Variants in FRAS1 observed in about 807,000 individuals in gnomAD.
FRAS1 encodes Fraser extracellular matrix complex subunit 1, also known as extracellular matrix organizing protein FRAS1.
FRAS1 carries 290 observed loss-of-function variants against 435.2 expected under a neutral mutation model. The ratio of observed to expected loss-of-function variants is 0.67; its 90% CI spans 0.61 to 0.73. FRAS1 has a LOEUF of 0.73. FRAS1 is among the 30% of genes least tolerant of loss of function. The probability of loss-of-function intolerance (pLI) is 0.00; values close to 1 mark genes in which losing one functional copy is unlikely to be tolerated. For missense variants in FRAS1, 4,860 were observed against 5,001.5 expected, an observed-to-expected ratio of 0.97 and a Z score of 0.85; for synonymous variants, 1,800 against 1,851.0, an observed-to-expected ratio of 0.97 and a Z score of 0.71.
At chr4:78,445,500 T>A in intron 41 of FRAS1, 22 bp from the exon 42 acceptor site, 1 of 1,511,200 alleles carries the variant, frequency 6.6e-7, no homozygotes, top group South Asian at 1.4e-5. Context: ...AAGGTAAAAA[T>A]GCTCTCTTGA....
At chr4:78,155,199 G>C (rs1720831645) in intron 2 of FRAS1, among the ~76,000 whole-genome samples, 1 of 152,170 alleles carries the variant, frequency 6.6e-6, no homozygotes. Flanking sequence ...TTTCGGTCAT[G>C]TTTGTTGGCT....
chr4:78,308,479 G>T (rs1434552702), intron 15 of FRAS1, among the ~76,000 whole-genome samples: 3 of 152,180 alleles, frequency 2.0e-5, no homozygotes, highest in Non-Finnish European at 4.4e-5. Flanking sequence ...GCCTGCTCAA[G>T]ACCCACAGCT....
intron 2 of FRAS1, among the ~76,000 whole-genome samples, chr4:78,220,511 G>A (rs774789591): frequency 2.0e-5 from 3 of 152,118 alleles, no homozygotes; most frequent in Non-Finnish European, 4.4e-5. Flanking sequence ...ACAAGTCCAG[G>A]CAGTTCTAAA....
intron 7 of FRAS1, 60 bp from the exon 8 acceptor site, chr4:78,266,774 C>A: frequency 1.6e-6 from 2 of 1,274,466 alleles, no homozygotes; most frequent in Non-Finnish European, 2.2e-6. Context: ...TGTGACAGTG[C>A]TTCTATTTGA....
chr4:78,161,814 C>G (rs1721155753), intron 2 of FRAS1, among the ~76,000 whole-genome samples: 1 of 137,778 alleles, frequency 7.3e-6, no homozygotes. Flanking sequence ...AAAATCCTAA[C>G]TTCTGAAATT....
At chr4:78,514,467 A>G (rs1297203137) in intron 65 of FRAS1, among the ~76,000 whole-genome samples, 2 of 152,246 alleles carry the variant, frequency 1.3e-5, no homozygotes, top group African/African-American at 2.4e-5. Flanking sequence ...TCTCTTTCAT[A>G]TTCATTAAGC....
chr4:78,116,961 G>T (rs1743233974), intron 2 of FRAS1, among the ~76,000 whole-genome samples: 1 of 152,120 alleles, frequency 6.6e-6, no homozygotes. Context: ...TTTTGCAGTG[G>T]GTCTTACCAG....
At chr4:78,529,853 G>A (rs1037419538) in intron 70 of FRAS1, among the ~76,000 whole-genome samples, 1 of 152,166 alleles carries the variant, frequency 6.6e-6, no homozygotes, top group Non-Finnish European at 1.5e-5. Flanking sequence ...TAAAACTTAT[G>A]AATTGTTTAT....
In FRAS1 at chr4:78,252,336, T is replaced by C. The variant is rs371881229; in HGVS notation, c.310-56T>C. On this transcript the variant is annotated intron_variant, in intron 4 of 73. Coordinates refer to ENST00000512123, the MANE Select transcript of FRAS1 (RefSeq NM_025074.7). ...GAAGATTTGTTTCTATTTGGCTGAA[T>C]GAAAGCCTGTGTTTTGGCACTAACC... 7 of 1,543,706 alleles carry C rather than the reference T, an allele frequency of 4.5e-6. No individual in the cohort carries two copies. In the East Asian group the frequency reaches 6.8e-5, roughly 15 times the overall value.
chr4:78,060,698 C>A (rs999560021), intron 1 of FRAS1, among the ~76,000 whole-genome samples: 2 of 152,074 alleles, frequency 1.3e-5, no homozygotes, highest in Non-Finnish European at 2.9e-5. Context: ...AACCTCTTTG[C>A]GCTATAGTTC....
intron 14 of FRAS1, among the ~76,000 whole-genome samples, chr4:78,292,488 A>G (rs1433999988): frequency 6.6e-6 from 1 of 152,166 alleles, no homozygotes; most frequent in Non-Finnish European, 1.5e-5. Context: ...GAAGTTAATT[A>G]TTTGTTGGAA....
chr4:78,365,657 T>C (rs1731234177), intron 22 of FRAS1, among the ~76,000 whole-genome samples: 1 of 151,744 alleles, frequency 6.6e-6, no homozygotes, highest in Non-Finnish European at 1.5e-5. Context: ...ATTAAGAATT[T>C]CCTAAGTTTA....
At chr4:78,517,410 T>C (rs1189537773) in intron 66 of FRAS1, among the ~76,000 whole-genome samples, 2 of 152,276 alleles carry the variant, frequency 1.3e-5, no homozygotes, top group Non-Finnish European at 2.9e-5. Flanking sequence ...AATTACTGTT[T>C]GAATATTTTT....
intron 59 of FRAS1, among the ~76,000 whole-genome samples, chr4:78,494,816 A>G (rs1720466018): frequency 6.6e-6 from 1 of 152,194 alleles, no homozygotes; most frequent in Non-Finnish European, 1.5e-5. Flanking sequence ...ACATCCTCAT[A>G]CATGTCCACT....
intron 59 of FRAS1, among the ~76,000 whole-genome samples, chr4:78,493,315 A>G (rs150818994): frequency 3.6e-3 from 547 of 152,348 alleles, no homozygotes; most frequent in Non-Finnish European, 4.3e-3. Context: ...TATATACCCA[A>G]AGAATTATAA....
intron 14 of FRAS1, among the ~76,000 whole-genome samples, chr4:78,288,466 A>G (rs945309670): frequency 6.6e-6 from 1 of 152,092 alleles, no homozygotes; most frequent in East Asian, 1.9e-4. Flanking sequence ...CGTTGTTTTA[A>G]TTGGTGATGC....
rs532484993 is a variant in FRAS1 at position 78,488,844 on chromosome 4, G to A, written c.8753-31G>A. 7.3e-4 allele frequency: 1,169 copies of A among 1,596,524 alleles called. 1 individual carries two copies. The highest frequency in any genetic ancestry group is 9.5e-4 in the Non-Finnish European group (1,108 of 1,170,134). On this transcript the variant is annotated intron_variant, in intron 58 of 73. Transcript: ENST00000512123. ...CACAGCTTCCCTGTCTTCCACTAAT[G>A]GTGCGTCTGTCTTTCTGTCTGCCCA...
intron 3 of FRAS1, 58 bp from the exon 4 acceptor site, chr4:78,245,175 T>C: frequency 1.7e-6 from 2 of 1,162,708 alleles, no homozygotes; most frequent in Non-Finnish European, 2.5e-6. Context: ...TCTGATGAAC[T>C]ATTGTGACTT....
intron 69 of FRAS1, among the ~76,000 whole-genome samples, chr4:78,523,832 C>A (rs561491038): frequency 2.6e-5 from 4 of 152,114 alleles, no homozygotes; most frequent in Non-Finnish European, 5.9e-5. Flanking sequence ...ATGAAGCCCA[C>A]CCTCCTTATG....
Sources: gnomAD v4.1 joint callset for allele counts (sites outside exome capture counted in the v4.1 genomes callset) on GRCh38, gnomAD v4.1.1 for gene constraint, MANE v1.5 for transcripts, NCBI Gene and HGNC (gene_info 2026-07-23, HGNC 2026-07-21) for gene names.